The following NRG1 variants were observed in gnomAD, a reference collection of about 807,000 sequenced individuals.
NRG1 encodes the protein neuregulin 1.
A neutral mutation model predicts 63.8 loss-of-function variants in NRG1; 18 were observed. The observed-to-expected ratio is 0.28, with a 90% CI of 0.19 to 0.42. NRG1 has a LOEUF of 0.42. Among genes scored for constraint, NRG1 ranks in the 10% least tolerant of loss-of-function variants. NRG1 has a pLI of 1.00. For missense variants in NRG1, 762 were observed against 814.7 expected (o/e 0.94, Z 0.79); for synonymous variants, 302 against 301.3 (o/e 1.00, Z -0.02).
intron 1 of NRG1, among the ~76,000 whole-genome samples, chr8:31,643,465 T>C (rs868207593): frequency 1.3e-5 from 2 of 152,234 alleles, no homozygotes; most frequent in Admixed American, 6.5e-5. Context: ...AAATTCCTTT[T>C]TCTCTTTCCC....
chr8:32,322,821 A>T lies in NRG1; in HGVS notation c.38-273007A>T, dbSNP rs1045099427. The stretch of plus-strand genomic sequence containing the variant: ...TATTTTCAAAGAGTGAATTTCTCTT[A>T]CCTGACTGAGGCATTTTATTCTATA... On this transcript the variant is annotated intron_variant, in intron 1 of 10. Transcript: ENST00000519301. Among the ~76,000 whole-genome samples, 4 of 151,086 alleles carry T rather than the reference A, an allele frequency of 2.6e-5. No individual in the cohort carries two copies. In the South Asian group the frequency reaches 8.3e-4, roughly 31 times the overall value.
exon 1 of NRG1, chr8:32,548,722 G>A: frequency 6.3e-7 from 1 of 1,576,482 alleles, no homozygotes; most frequent in Non-Finnish European, 8.6e-7. Flanking sequence ...TCCGTCTCCG[G>A]CGAGATGTCC....
intron 1 of NRG1, among the ~76,000 whole-genome samples, chr8:32,101,344 C>T (rs1830550575): frequency 6.6e-6 from 1 of 152,070 alleles, no homozygotes; most frequent in Non-Finnish European, 1.5e-5. Context: ...CTCCTTATGC[C>T]TTGCATGCAC....
chr8:32,069,530 A>G (rs1009886563), intron 1 of NRG1, among the ~76,000 whole-genome samples: 2 of 152,136 alleles, frequency 1.3e-5, no homozygotes, highest in African/African-American at 4.8e-5. Context: ...AAAAATCAAG[A>G]CTTCATGATT....
intron 1 of NRG1, among the ~76,000 whole-genome samples, chr8:31,988,023 G>T (rs138346099): frequency 1.1e-4 from 16 of 152,046 alleles, no homozygotes; most frequent in African/African-American, 3.9e-4. Flanking sequence ...GTGCTTGTTC[G>T]TTTATACCAC....
At chr8:32,391,567 A>C (rs1811772066) in intron 1 of NRG1, among the ~76,000 whole-genome samples, 1 of 152,054 alleles carries the variant, frequency 6.6e-6, no homozygotes, top group African/African-American at 2.4e-5. Context: ...CCTTGTGTCC[A>C]TGTGTTCTCA....
intron 1 of NRG1, among the ~76,000 whole-genome samples, chr8:31,959,793 TATTA>T (rs1563619591): frequency 2.1e-5 from 2 of 95,340 alleles, no homozygotes; most frequent in African/African-American, 7.7e-5. Flanking sequence ...TTTATTTATT[TATTA>T]TTTATTTATT....
At chr8:32,312,330 AT>A (rs4035492) in intron 1 of NRG1, among the ~76,000 whole-genome samples, 14 of 89,168 alleles carry the variant, frequency 1.6e-4, no homozygotes, top group East Asian at 3.5e-4. Flanking sequence ...TGCCCAGCTA[AT>A]TTTTTTTTTT....
intron 1 of NRG1, among the ~76,000 whole-genome samples, chr8:31,746,532 C>G (rs527821705): frequency 6.6e-6 from 1 of 151,908 alleles, no homozygotes; most frequent in Admixed American, 6.6e-5. Context: ...TAGCATATTA[C>G]AAATACTTTA....
At position 31,760,894 on chromosome 8, in the gene NRG1, C is replaced by T. The variant is rs577247710; in HGVS notation, c.37+121463C>T. Reference sequence around the variant, plus strand: ...TCAACCATTGTGGAAGTCACTGTGGCGATTCCTCAGGGATCTAGAACTAGA... The same window carrying T: ...TCAACCATTGTGGAAGTCACTGTGGTGATTCCTCAGGGATCTAGAACTAGA... On this transcript the variant is annotated intron_variant, in intron 1 of 10. Coordinates refer to the NRG1 transcript ENST00000519301. Among the ~76,000 whole-genome samples the T allele has an allele frequency of 9.2e-5, 14 of 152,082 alleles. No individual in the cohort carries two copies. In the South Asian group the frequency reaches 1.2e-3, roughly 14 times the overall value.
intron 1 of NRG1, among the ~76,000 whole-genome samples, chr8:32,037,146 C>T (rs533522320): frequency 5.3e-5 from 8 of 152,228 alleles, no homozygotes; most frequent in African/African-American, 1.4e-4. Flanking sequence ...ATATTGTTGT[C>T]CTGGCTTTCT....
intron 1 of NRG1, among the ~76,000 whole-genome samples, chr8:31,661,376 T>C (rs547181087): frequency 6.6e-6 from 1 of 152,336 alleles, no homozygotes; most frequent in African/African-American, 2.4e-5. Flanking sequence ...CCCAGCAGAA[T>C]CTGAAAGAGG....
chr8:31,924,497 T>G (rs78481298), intron 1 of NRG1, among the ~76,000 whole-genome samples: 4,878 of 152,174 alleles, frequency 0.032, 237 homozygotes, highest in African/African-American at 0.11. Context: ...CGTGCTGTAG[T>G]TTTTTTCCTC....
chr8:32,005,155 A>G (rs1813564290), intron 1 of NRG1, among the ~76,000 whole-genome samples: 1 of 150,616 alleles, frequency 6.6e-6, no homozygotes, highest in South Asian at 2.1e-4. Context: ...GGAAGGAGGG[A>G]GGGAGAGAGG....
At chr8:32,503,013 C>T (rs550212030) in intron 1 of NRG1, among the ~76,000 whole-genome samples, 16 of 152,172 alleles carry the variant, frequency 1.1e-4, no homozygotes, top group African/African-American at 3.9e-4. Context: ...TAGCCGGGCG[C>T]AGTGGCTCAC....
chr8:32,713,973 C>G (rs142233367), intron 5 of NRG1, among the ~76,000 whole-genome samples: 10,659 of 151,916 alleles, frequency 0.07, 504 homozygotes, highest in Non-Finnish European at 0.11. Context: ...TACAGGCACA[C>G]ACCACCATGC....
At chr8:31,655,927 T>C (rs1204367717) in intron 1 of NRG1, among the ~76,000 whole-genome samples, 1 of 152,164 alleles carries the variant, frequency 6.6e-6, no homozygotes, top group African/African-American at 2.4e-5. Flanking sequence ...GTATGCACAG[T>C]AGGTGATGCG....
intron 1 of NRG1, among the ~76,000 whole-genome samples, chr8:31,799,697 T>C (rs1026159475): frequency 2.6e-5 from 4 of 152,098 alleles, no homozygotes; most frequent in Non-Finnish European, 5.9e-5. Flanking sequence ...GCCATTTCTA[T>C]TTTTTGAGTT....
intron 1 of NRG1, among the ~76,000 whole-genome samples, chr8:32,155,761 C>T (rs1340496078): frequency 6.6e-6 from 1 of 152,174 alleles, no homozygotes; most frequent in African/African-American, 2.4e-5. Context: ...CTAATATCTC[C>T]TATCTCAATG....
Sources: allele counts gnomAD v4.1 joint callset (sites outside exome capture counted in the v4.1 genomes callset), GRCh38; gene constraint gnomAD v4.1.1; transcripts MANE v1.5; gene names NCBI Gene and HGNC (gene_info 2026-07-23, HGNC 2026-07-21).